The following CLSTN2 variants were observed in gnomAD, a reference collection of about 807,000 sequenced individuals.
The protein encoded by CLSTN2 is calsyntenin 2.
A neutral mutation model predicts 101.2 loss-of-function variants in CLSTN2; 48 were observed. The ratio of observed to expected loss-of-function variants is 0.47; its 90% CI spans 0.38 to 0.60. CLSTN2 has a LOEUF of 0.60. Among genes scored for constraint, CLSTN2 ranks in the 20% least tolerant of loss-of-function variants. CLSTN2 has a pLI of 0.00. For missense variants in CLSTN2, 1,160 were observed against 1,238.2 expected (o/e 0.94, Z 0.95); for synonymous variants, 481 against 463.6 (o/e 1.04, Z -0.48).
At chr3:140,071,642 T>A (rs1560086109) in intron 1 of CLSTN2, among the ~76,000 whole-genome samples, 2 of 151,978 alleles carry the variant, frequency 1.3e-5, no homozygotes, top group Non-Finnish European at 2.9e-5. Flanking sequence ...CCATCCTGTC[T>A]AACACGGTGA....
intron 2 of CLSTN2, among the ~76,000 whole-genome samples, chr3:140,371,707 G>A (rs1280868878): frequency 6.6e-6 from 1 of 152,184 alleles, no homozygotes; most frequent in Non-Finnish European, 1.5e-5. Flanking sequence ...GACTAGCCAA[G>A]GACCACACAA....
chr3:140,459,294 A>G (rs1933496541), intron 6 of CLSTN2, among the ~76,000 whole-genome samples: 1 of 152,188 alleles, frequency 6.6e-6, no homozygotes, highest in Non-Finnish European at 1.5e-5. Context: ...ATCTTGCCAC[A>G]TGCAGCACTT....
chr3:140,174,884 T>C (rs544530796), intron 1 of CLSTN2, among the ~76,000 whole-genome samples: 82 of 152,284 alleles, frequency 5.4e-4, no homozygotes, highest in African/African-American at 1.9e-3. Flanking sequence ...AAACTTATTG[T>C]CTCACGTTTA....
intron 7 of CLSTN2, among the ~76,000 whole-genome samples, chr3:140,464,952 T>C (rs1206693674): frequency 1.3e-5 from 2 of 152,186 alleles, no homozygotes; most frequent in Admixed American, 1.3e-4. Context: ...AAAGCACTAC[T>C]TCGTTGTGTT....
intron 2 of CLSTN2, among the ~76,000 whole-genome samples, chr3:140,332,238 G>T (rs2087390079): frequency 6.6e-6 from 1 of 152,172 alleles, no homozygotes; most frequent in African/African-American, 2.4e-5. Context: ...AGAACAGCAG[G>T]TTCAAATATA....
intron 1 of CLSTN2, among the ~76,000 whole-genome samples, chr3:140,170,244 AAT>A (rs1328346474): frequency 6.6e-6 from 1 of 152,184 alleles, no homozygotes; most frequent in Non-Finnish European, 1.5e-5. Flanking sequence ...ATTATTGTAC[AAT>A]ACTTGGCTCA....
chr3:140,318,859 A>G (rs980685415), intron 2 of CLSTN2, among the ~76,000 whole-genome samples: 1 of 152,192 alleles, frequency 6.6e-6, no homozygotes, highest in African/African-American at 2.4e-5. Context: ...ACTTTAAAAT[A>G]ATTATTATAA....
chr3:140,435,448 T>G (rs1201982883), intron 5 of CLSTN2, among the ~76,000 whole-genome samples: 1 of 152,232 alleles, frequency 6.6e-6, no homozygotes, highest in South Asian at 2.1e-4. Context: ...TATACCACAT[T>G]TGCTGTATCC....
chr3:139,985,537 T>G (rs1936009092), intron 1 of CLSTN2, among the ~76,000 whole-genome samples: 1 of 152,168 alleles, frequency 6.6e-6, no homozygotes, highest in Non-Finnish European at 1.5e-5. Flanking sequence ...CTGACATTGT[T>G]TGCAGAATTC....
chr3:140,267,025 G>C (rs1383013035), intron 2 of CLSTN2, among the ~76,000 whole-genome samples: 2 of 152,190 alleles, frequency 1.3e-5, no homozygotes, highest in Non-Finnish European at 2.9e-5. Context: ...AATGGGACAA[G>C]TGAGACCTGT....
intron 7 of CLSTN2, among the ~76,000 whole-genome samples, chr3:140,462,518 A>G (rs868206526): frequency 6.6e-6 from 1 of 152,242 alleles, no homozygotes; most frequent in African/African-American, 2.4e-5. Context: ...ATTGCTCTTC[A>G]TGAAGATTGC....
At chr3:140,048,889 A>G (rs2007934223) in intron 1 of CLSTN2, among the ~76,000 whole-genome samples, 1 of 151,608 alleles carries the variant, frequency 6.6e-6, no homozygotes, top group African/African-American at 2.4e-5. Context: ...GCTCTCCCAG[A>G]CTCTCACTTC....
chr3:140,148,138 A>G (rs1286848618), intron 1 of CLSTN2, among the ~76,000 whole-genome samples: 1 of 152,210 alleles, frequency 6.6e-6, no homozygotes, highest in Non-Finnish European at 1.5e-5. Flanking sequence ...CACCTGCTAC[A>G]GCCCCTTAGC....
chr3:140,313,699 A>G (rs998113965), intron 2 of CLSTN2, among the ~76,000 whole-genome samples: 2 of 152,210 alleles, frequency 1.3e-5, no homozygotes, highest in Admixed American at 6.5e-5. Context: ...CTGAGAGGCT[A>G]TTTCTATACT....
intron 2 of CLSTN2, among the ~76,000 whole-genome samples, chr3:140,360,711 A>G (rs1240080077): frequency 4.6e-5 from 7 of 152,348 alleles, no homozygotes; most frequent in African/African-American, 1.7e-4. Context: ...CACTGGGGGA[A>G]TATTAGGAAC....
chr3:139,989,595 C>A (rs2107827538), intron 1 of CLSTN2, among the ~76,000 whole-genome samples: 1 of 152,300 alleles, frequency 6.6e-6, no homozygotes, highest in South Asian at 2.1e-4. Context: ...GTCAGAAAAT[C>A]CTGGAACCTC....
chr3:140,048,216 C>T (rs2107767001), intron 1 of CLSTN2, among the ~76,000 whole-genome samples: 1 of 152,248 alleles, frequency 6.6e-6, no homozygotes, highest in East Asian at 1.9e-4. Flanking sequence ...AAATGCACGG[C>T]TATTAAAATT....
At position 140,156,030 on chromosome 3, in the gene CLSTN2, T is replaced by C. The variant is rs150066099; in HGVS notation, c.110-19921T>C. The stretch of plus-strand genomic sequence containing the variant: ...AATTTTATTGATCTTACTTTTGTCC[T>C]CCTTCTTCAGCGTTGTTACTTATTT... On this transcript the variant is annotated intron_variant, in intron 1 of 16. Coordinates refer to ENST00000458420, the MANE Select transcript of CLSTN2 (RefSeq NM_022131.3). Among the ~76,000 whole-genome samples the C allele has an allele frequency of 2.2e-4, 33 of 152,332 alleles. 1 individual carries two copies. The East Asian group carries it at 5.4e-3, about 25-fold the overall frequency.
intron 8 of CLSTN2, among the ~76,000 whole-genome samples, chr3:140,513,599 T>G (rs529403375): frequency 1.7e-3 from 260 of 148,634 alleles, no homozygotes; most frequent in South Asian, 7.7e-3. Flanking sequence ...TTTTTTTTTT[T>G]TGGGTGTGTG....
Sources: gnomAD v4.1 joint callset for allele counts (sites outside exome capture counted in the v4.1 genomes callset) on GRCh38, gnomAD v4.1.1 for gene constraint, MANE v1.5 for transcripts, NCBI Gene and HGNC (gene_info 2026-07-23, HGNC 2026-07-21) for gene names.